Variants in DDX31 observed in about 807,000 individuals in gnomAD.
The protein encoded by DDX31 is ATP-dependent DNA helicase DDX31.
A neutral mutation model predicts 91.3 loss-of-function variants in DDX31; 70 were observed. That is an observed-to-expected ratio of 0.77 (90% CI 0.63 to 0.94). DDX31 has a LOEUF of 0.94. Among genes scored for constraint, DDX31 ranks in the 40% least tolerant of loss-of-function variants. The pLI is 0.00. For synonymous variants in DDX31, 362 were observed against 350.6 expected (o/e 1.03, Z -0.36); for missense variants, 902 against 925.0 (o/e 0.98, Z 0.32).
chr9:132,626,937 G>T (rs886928427), intron 16 of DDX31, among the ~76,000 whole-genome samples: 13 of 152,106 alleles, frequency 8.5e-5, no homozygotes, highest in African/African-American at 2.9e-4. Flanking sequence ...GCAGGAGTCA[G>T]AGGGAGAGTG....
intron 13 of DDX31, among the ~76,000 whole-genome samples, chr9:132,644,669 C>T (rs528934514): frequency 6.6e-6 from 1 of 152,202 alleles, no homozygotes; most frequent in African/African-American, 2.4e-5. Context: ...CCAGCTCCCC[C>T]CAACCACGCT....
At chr9:132,606,757 C>A (rs1224493796) in intron 19 of DDX31, among the ~76,000 whole-genome samples, 1 of 152,130 alleles carries the variant, frequency 6.6e-6, no homozygotes, top group South Asian at 2.1e-4. Flanking sequence ...GTGATTCAAT[C>A]CCAGATGTAA....
chr9:132,658,601 C>T, intron 6 of DDX31, 70 bp downstream of exon 6: 3 of 1,385,434 alleles, frequency 2.2e-6, no homozygotes, highest in Non-Finnish European at 3.0e-6. Flanking sequence ...CCTAATATTT[C>T]TGTTATGCTT....
At chr9:132,618,233 G>A in intron 18 of DDX31, 97 bp downstream of exon 18, 3 of 971,532 alleles carry the variant, frequency 3.1e-6, no homozygotes, top group African/African-American at 1.7e-5. Flanking sequence ...GGACCTCCAT[G>A]TTGGCCTCTC....
At chr9:132,616,103 G>A (rs1831610716) in intron 18 of DDX31, among the ~76,000 whole-genome samples, 6 of 152,178 alleles carry the variant, frequency 3.9e-5, no homozygotes, top group Admixed American at 3.9e-4. Flanking sequence ...TGGCAAATAC[G>A]TGTATACTCT....
intron 4 of DDX31, among the ~76,000 whole-genome samples, chr9:132,660,519 C>A (rs1247259697): frequency 6.6e-6 from 1 of 152,068 alleles, no homozygotes; most frequent in African/African-American, 2.4e-5. Context: ...CAGCAGCTGT[C>A]CATTCTCCAG....
chr9:132,619,668 CA>C (rs1241100056), intron 17 of DDX31, among the ~76,000 whole-genome samples: 3 of 152,054 alleles, frequency 2.0e-5, no homozygotes. Flanking sequence ...GCTGATTTCA[CA>C]GTTCAATACA....
intron 1 of DDX31, among the ~76,000 whole-genome samples, chr9:132,664,039 T>A (rs547651723): frequency 7.9e-5 from 12 of 152,266 alleles, no homozygotes; most frequent in African/African-American, 2.9e-4. Flanking sequence ...CCCGGGCAGG[T>A]GGACTGGCAG....
At chr9:132,611,038 C>T (rs918211484) in intron 19 of DDX31, among the ~76,000 whole-genome samples, 3 of 152,146 alleles carry the variant, frequency 2.0e-5, no homozygotes, top group African/African-American at 4.8e-5. Context: ...AGCCAGACAT[C>T]GTGTGGGAAC....
At chr9:132,616,553 C>T (rs762550093) in intron 18 of DDX31, among the ~76,000 whole-genome samples, 15 of 152,216 alleles carry the variant, frequency 9.9e-5, no homozygotes, top group Admixed American at 2.0e-4. Flanking sequence ...TCCACTGCAA[C>T]TTTGATACCA....
intron 19 of DDX31, among the ~76,000 whole-genome samples, chr9:132,604,358 G>A (rs981655766): frequency 5.3e-5 from 8 of 152,112 alleles, no homozygotes; most frequent in Admixed American, 2.0e-4. Flanking sequence ...CTAAAGACAC[G>A]ATCCAGCATG....
chr9:132,643,523 T>C (rs1590060637), intron 13 of DDX31, among the ~76,000 whole-genome samples: 2 of 152,300 alleles, frequency 1.3e-5, no homozygotes, highest in Middle Eastern at 3.4e-3. Flanking sequence ...GATAAAGACA[T>C]ACAAACAACA....
chr9:132,593,303 T>C lies in DDX31; in HGVS notation c.*1563A>G, dbSNP rs1830286459. ...GAGTACTGGGGGAGAAAAAGTAAGGTTTCTCTTTGATCATCCCCAATCACT... is the reference window on the plus strand; with the variant it reads ...GAGTACTGGGGGAGAAAAAGTAAGGCTTCTCTTTGATCATCCCCAATCACT... On this transcript the variant is annotated 3_prime_UTR_variant, in exon 20 of 20. Coordinates refer to ENST00000372159, the MANE Select transcript of DDX31 (RefSeq NM_022779.9). The C allele has an allele frequency of 6.6e-6, 1 of 152,150 alleles. No individual in the cohort carries two copies. Among genetic ancestry groups the C allele is most frequent in the Non-Finnish European group, 1.5e-5 (1 of 68,026 alleles). 9.4% of individuals were successfully genotyped at this position (152,150 alleles called of 1,614,324 possible).
intron 9 of DDX31, among the ~76,000 whole-genome samples, chr9:132,649,610 T>C (rs1834057538): frequency 6.6e-6 from 1 of 152,238 alleles, no homozygotes; most frequent in Non-Finnish European, 1.5e-5. Flanking sequence ...ATTGTTGTTA[T>C]TCACAGCTGA....
chr9:132,657,454 G>A (rs1388673011), intron 6 of DDX31, among the ~76,000 whole-genome samples: 1 of 152,054 alleles, frequency 6.6e-6, no homozygotes, highest in African/African-American at 2.4e-5. Context: ...TCTATCATTT[G>A]TATATTTATT....
intron 13 of DDX31, among the ~76,000 whole-genome samples, chr9:132,645,122 G>A (rs1484132592): frequency 6.6e-6 from 1 of 152,078 alleles, no homozygotes; most frequent in Non-Finnish European, 1.5e-5. Flanking sequence ...TTTTGAAGCT[G>A]CCTGGTAACC....
At chr9:132,623,129 C>CAA (rs550048581) in intron 17 of DDX31, among the ~76,000 whole-genome samples, 5 of 119,566 alleles carry the variant, frequency 4.2e-5, no homozygotes, top group Non-Finnish European at 7.2e-5. Context: ...GACTCCATCT[C>CAA]AAAAAAAAAA....
At chr9:132,606,406 T>A (rs1831027126) in intron 19 of DDX31, among the ~76,000 whole-genome samples, 1 of 152,208 alleles carries the variant, frequency 6.6e-6, no homozygotes, top group South Asian at 2.1e-4. Flanking sequence ...CGGTTCCATG[T>A]TTCCAAGGTT....
chr9:132,634,101 C>G (rs965040786), intron 14 of DDX31, among the ~76,000 whole-genome samples: 1 of 152,196 alleles, frequency 6.6e-6, no homozygotes, highest in African/African-American at 2.4e-5. Context: ...AGAACCAATA[C>G]CATGATAGAG....
Sources: allele counts gnomAD v4.1 joint callset (sites outside exome capture counted in the v4.1 genomes callset), GRCh38; gene constraint gnomAD v4.1.1; transcripts MANE v1.5; gene names NCBI Gene and HGNC (gene_info 2026-07-23, HGNC 2026-07-21).